COL4A2: variants seen among roughly 807,000 people sequenced by gnomAD.
COL4A2 encodes collagen type IV alpha 2 chain.
COL4A2 carries 99 observed loss-of-function variants against 200.2 expected under a neutral mutation model. That is an observed-to-expected ratio of 0.49 (90% CI 0.42 to 0.58). COL4A2 has a LOEUF of 0.58. COL4A2 is among the 20% of genes least tolerant of loss of function. COL4A2 has a pLI of 0.00. For missense variants in COL4A2, 1,950 were observed against 2,314.1 expected (o/e 0.84, Z 3.23); for synonymous variants, 897 against 900.6 (o/e 1.00, Z 0.07).
At chr13:110,361,381 T>G (rs957097802) in intron 4 of COL4A2, among the ~76,000 whole-genome samples, 2 of 152,210 alleles carry the variant, frequency 1.3e-5, no homozygotes, top group African/African-American at 4.8e-5. Flanking sequence ...TAGTTTGTTC[T>G]TTCCCACAGC....
chr13:110,343,242 T>C (rs1200570965), intron 3 of COL4A2, among the ~76,000 whole-genome samples: 3 of 152,006 alleles, frequency 2.0e-5, no homozygotes, highest in Non-Finnish European at 4.4e-5. Context: ...AATATCCAGG[T>C]AGATAATCCA....
chr13:110,506,741 C>T, intron 46 of COL4A2, 135 bp downstream of exon 46: 1 of 940,786 alleles, frequency 1.1e-6, no homozygotes, highest in Non-Finnish European at 1.5e-6. Context: ...CATCTACATT[C>T]CTCGAGTGCA....
At chr13:110,479,140 G>C (rs995344215) in intron 30 of COL4A2, among the ~76,000 whole-genome samples, 3 of 152,210 alleles carry the variant, frequency 2.0e-5, no homozygotes, top group East Asian at 3.9e-4. Context: ...TCTCAGTATC[G>C]ACAGGGCCGT....
chr13:110,375,547 A>G (rs1878199257), intron 4 of COL4A2, among the ~76,000 whole-genome samples: 1 of 152,192 alleles, frequency 6.6e-6, no homozygotes, highest in East Asian at 1.9e-4. Context: ...AATTTTTGAC[A>G]GAGCCGGTGC....
intron 47 of COL4A2, among the ~76,000 whole-genome samples, chr13:110,510,630 GTGTA>G (rs1884052019): frequency 6.7e-6 from 1 of 149,354 alleles, no homozygotes; most frequent in South Asian, 2.2e-4. Context: ...GTGTGTGTGT[GTGTA>G]CATGCGTGCA....
At chr13:110,446,005 T>G in intron 17 of COL4A2, 123 bp downstream of exon 17, 3 of 993,132 alleles carry the variant, frequency 3.0e-6, no homozygotes, top group Non-Finnish European at 4.7e-6. Context: ...GATCCCCAAA[T>G]ACACGGCCTC....
intron 4 of COL4A2, among the ~76,000 whole-genome samples, chr13:110,421,062 TGGCTATA>T (rs1880231130): frequency 6.6e-6 from 1 of 152,166 alleles, no homozygotes; most frequent in Non-Finnish European, 1.5e-5. Context: ...CTTACTAGAA[TGGCTATA>T]GCCCAAAAAA....
chr13:110,392,952 A>T (rs1205146211), intron 4 of COL4A2, among the ~76,000 whole-genome samples: 1 of 152,260 alleles, frequency 6.6e-6, no homozygotes, highest in Admixed American at 6.5e-5. Context: ...CATGTAGAGA[A>T]TAAGAAGGGA....
chr13:110,471,289 G>C (rs868637126), intron 28 of COL4A2, among the ~76,000 whole-genome samples: 6 of 152,342 alleles, frequency 3.9e-5, no homozygotes, highest in Middle Eastern at 3.4e-3. Flanking sequence ...GATTTGGACA[G>C]TTGCCCACGT....
chr13:110,504,306 C>T, intron 45 of COL4A2, 42 bp downstream of exon 45: 4 of 1,497,774 alleles, frequency 2.7e-6, no homozygotes, highest in Non-Finnish European at 3.7e-6. Context: ...TCCTAGTGCT[C>T]TGGATCTGAC....
rs9559814 is a variant in COL4A2 at position 110,469,136 on chromosome 13, A to G, written c.2096-81A>G. 880,468 of 1,492,644 alleles carry G rather than the reference A, an allele frequency of 0.59. 265,348 individuals are homozygous for G. The highest frequency in any genetic ancestry group is 0.7 in the African/African-American group (50,541 of 71,764). 92.5% of individuals were successfully genotyped at this position (1,492,644 alleles called of 1,614,324 possible). A position where few individuals can be genotyped will look rare whatever the true frequency, so the allele number is the denominator to read the frequency against. On this transcript the variant is annotated intron_variant, in intron 27 of 47. Coordinates refer to ENST00000360467, the MANE Select transcript of COL4A2 (RefSeq NM_001846.4). ...CATTTCCCGGTTTCATGAGATCCAC[A>G]TTAAGTCAGATGCCAAGCATGACCA...
At position 110,307,445 on chromosome 13, in the gene COL4A2, C is replaced by T; in HGVS notation, c.-128C>T. The stretch of plus-strand genomic sequence containing the variant: ...CGGCGCCCAGAGAGCCCAGCAAGGC[C>T]GGCCGCCCTGCCGGTGTGCCGCCGG... On this transcript the variant is annotated 5_prime_UTR_variant, in exon 1 of 48. Coordinates refer to ENST00000360467, the MANE Select transcript of COL4A2 (RefSeq NM_001846.4). This position sits in a 1 kb window ranked among gnomAD's most constrained non-coding sequence, Gnocchi z 5.0. The T allele has an allele frequency of 4.9e-6, 1 of 202,866 alleles. No individual in the cohort carries two copies. The highest frequency in any genetic ancestry group is 1.1e-4 in the East Asian group (1 of 8,944). The allele number at this position is 202,866 out of a possible 1,614,324, so 12.6% of individuals were successfully genotyped here.
chr13:110,335,101 G>A (rs1298100595), intron 3 of COL4A2, among the ~76,000 whole-genome samples: 1 of 152,012 alleles, frequency 6.6e-6, no homozygotes, highest in South Asian at 2.1e-4. Flanking sequence ...CTCATCCCTG[G>A]GCTTCTCCTT....
intron 4 of COL4A2, among the ~76,000 whole-genome samples, chr13:110,411,509 C>G (rs921337318): frequency 1.3e-5 from 2 of 152,148 alleles, no homozygotes; most frequent in Non-Finnish European, 2.9e-5. Flanking sequence ...GTTTCACCTT[C>G]TTTTTCTACC....
At chr13:110,366,070 T>C (rs772164770) in intron 4 of COL4A2, among the ~76,000 whole-genome samples, 2 of 152,200 alleles carry the variant, frequency 1.3e-5, no homozygotes, top group East Asian at 1.9e-4. Context: ...TTTTCCGACC[T>C]CCTGATGGAA....
intron 4 of COL4A2, among the ~76,000 whole-genome samples, chr13:110,357,910 T>C (rs558977840): frequency 6.6e-6 from 1 of 152,238 alleles, no homozygotes; most frequent in South Asian, 2.1e-4. Flanking sequence ...TCTGTCTGCG[T>C]TGGGGAGTGC....
At chr13:110,341,996 A>G (rs1291003466) in intron 3 of COL4A2, among the ~76,000 whole-genome samples, 5 of 152,228 alleles carry the variant, frequency 3.3e-5, no homozygotes, top group East Asian at 3.9e-4. Flanking sequence ...TTGCTTAGAC[A>G]GGACTCACGA....
At chr13:110,337,230 T>C (rs1876237100) in intron 3 of COL4A2, among the ~76,000 whole-genome samples, 1 of 152,236 alleles carries the variant, frequency 6.6e-6, no homozygotes, top group Non-Finnish European at 1.5e-5. Flanking sequence ...CCGGAAGTTT[T>C]AGAAGCACCC....
chr13:110,501,230 T>G (rs1011427296), intron 40 of COL4A2, among the ~76,000 whole-genome samples: 9 of 152,338 alleles, frequency 5.9e-5, no homozygotes, highest in African/African-American at 1.7e-4. Flanking sequence ...CAGGGAGGGT[T>G]GACAATAGTG....
Sources: gnomAD v4.1 joint callset for allele counts (sites outside exome capture counted in the v4.1 genomes callset) on GRCh38, gnomAD v4.1.1 for gene constraint, Gnocchi (gnomAD v3.1) non-coding constraint, MANE v1.5 for transcripts, NCBI Gene and HGNC (gene_info 2026-07-23, HGNC 2026-07-21) for gene names.